GALNT5: variants seen among roughly 807,000 people sequenced by gnomAD.
GALNT5 encodes polypeptide N-acetylgalactosaminyltransferase 5, also known as UDP-GalNAc:polypeptide N-acetylgalactosaminyltransferase 5.
Under a neutral mutation model 85.4 loss-of-function variants are expected in GALNT5, and 72 were observed. That is an observed-to-expected ratio of 0.84 (90% CI 0.70 to 1.03). The LOEUF (loss-of-function observed/expected upper bound fraction) is 1.03, where lower values mean the gene tolerates loss of function less well. Among genes scored for constraint, GALNT5 ranks in the 50% least tolerant of loss-of-function variants. GALNT5 has a pLI of 0.00. For synonymous variants in GALNT5, 404 were observed against 397.0 expected, an observed-to-expected ratio of 1.02 and a Z score of -0.21; for missense variants, 1,137 against 1,135.5, an observed-to-expected ratio of 1.00 and a Z score of -0.02.
intron 1 of GALNT5, among the ~76,000 whole-genome samples, chr2:157,268,335 G>A (rs1410016250): frequency 1.3e-5 from 2 of 152,108 alleles, no homozygotes; most frequent in African/African-American, 2.4e-5. Flanking sequence ...ATCACTTTCT[G>A]GGTCTCTCGA....
intron 9 of GALNT5, among the ~76,000 whole-genome samples, chr2:157,309,314 T>C (rs13010775): frequency 2.0e-5 from 3 of 152,176 alleles, no homozygotes; most frequent in Admixed American, 2.0e-4. Context: ...ACTGGCCATA[T>C]TGGGAGTATT....
intron 7 of GALNT5, among the ~76,000 whole-genome samples, chr2:157,303,597 A>C (rs758464751): frequency 3.1e-4 from 47 of 152,212 alleles, no homozygotes; most frequent in Non-Finnish European, 6.5e-4. Context: ...GAAATGAAGA[A>C]TAACAATTCC....
At position 157,308,600 on chromosome 2, in the gene GALNT5, A is replaced by T. The variant is rs1683502391; in HGVS notation, c.2554A>T (p.Ile852Phe). The T allele has an allele frequency of 3.1e-6, 5 of 1,613,408 alleles. No homozygotes were observed. The highest frequency in any genetic ancestry group is 4.2e-6 in the Non-Finnish European group (5 of 1,179,640). Residue 852 changes from isoleucine to phenylalanine, a missense_variant, in exon 9 of 10, where the codon ATT becomes TTT. Ile to Phe is a conservative substitution (Grantham distance 21). Transcript: ENST00000259056. The part of the protein sequence containing the change: ...QQFNYTWLRL[I>F]KCGEWCIAPI... Reference sequence around the variant, plus strand: ...ATTTAATTACACCTGGTTAAGACTTATTAAATGTGGAGAATGGTGTATAGC... The same window carrying T: ...ATTTAATTACACCTGGTTAAGACTTTTTAAATGTGGAGAATGGTGTATAGC...
chr2:157,284,848 A>G (rs1269147589), intron 2 of GALNT5, among the ~76,000 whole-genome samples: 1 of 152,246 alleles, frequency 6.6e-6, no homozygotes, highest in Non-Finnish European at 1.5e-5. Context: ...CAAAGAAATT[A>G]AGATCTTATG....
chr2:157,287,979 G>A (rs532639855), intron 3 of GALNT5, among the ~76,000 whole-genome samples: 1 of 152,114 alleles, frequency 6.6e-6, no homozygotes, highest in African/African-American at 2.4e-5. Context: ...CCTTATGCAA[G>A]CTCCCCCATC....
rs13430436 is a variant in GALNT5, at chr2:157,318,122, A to T, written c.*6774A>T. 0.011 allele frequency among the ~76,000 whole-genome samples: 1,674 copies of T among 152,092 alleles called. 30 individuals are homozygous for T. The highest frequency in any genetic ancestry group is 0.034 in the Middle Eastern group (10 of 294). ...CTGTCAAACATATTTCTTCTTTATTATACTCTGGTGCTTTATCCTTCTCCA... is the reference window on the plus strand; with the variant it reads ...CTGTCAAACATATTTCTTCTTTATTTTACTCTGGTGCTTTATCCTTCTCCA... On this transcript the variant is annotated 3_prime_UTR_variant, in exon 10 of 10. Coordinates refer to ENST00000259056, the MANE Select transcript of GALNT5 (RefSeq NM_014568.3).
At chr2:157,299,695 T>C (rs1254321608) in intron 6 of GALNT5, 30 bp downstream of exon 6, 1 of 1,168,278 alleles carries the variant, frequency 8.6e-7, no homozygotes, top group Admixed American at 1.8e-5. Flanking sequence ...AACTTTTCTT[T>C]ACGATAATGA....
intron 1 of GALNT5, among the ~76,000 whole-genome samples, chr2:157,261,881 T>G (rs1023255079): frequency 6.6e-6 from 1 of 152,152 alleles, no homozygotes; most frequent in Non-Finnish European, 1.5e-5. Context: ...GCGTTTGAGG[T>G]AGCTGCTTAC....
In GALNT5 at chr2:157,314,983, CAGG is replaced by C. The variant is rs540944354; in HGVS notation, c.*3638_*3640del. On this transcript the variant is annotated 3_prime_UTR_variant, in exon 10 of 10. Transcript: ENST00000259056. ...ATCCCAGCTACCTGGGAGGCTGAAG[CAGG>C]AGAATTGCTTGTACCCGGGAGGTGG... Among the ~76,000 whole-genome samples, 944 of 152,176 alleles carry C rather than the reference CAGG, an allele frequency of 6.2e-3. 15 individuals carry two copies. The highest frequency in any genetic ancestry group is 0.021 in the African/African-American group (869 of 41,492).
At chr2:157,305,864 A>T (rs369958201) in intron 8 of GALNT5, 35 bp downstream of exon 8, 3 of 1,166,478 alleles carry the variant, frequency 2.6e-6, no homozygotes, top group African/African-American at 1.5e-5. Flanking sequence ...ATGGTAGCTG[A>T]TAGGTGCAGG....
At chr2:157,270,401 C>T (rs937037700) in intron 1 of GALNT5, among the ~76,000 whole-genome samples, 5 of 152,294 alleles carry the variant, frequency 3.3e-5, no homozygotes, top group Admixed American at 3.3e-4. Context: ...GCATTCTCTC[C>T]CATTGCCCAT....
rs1467852269 is a variant in GALNT5 at position 157,315,039 on chromosome 2, C to T, written c.*3691C>T. Among the ~76,000 whole-genome samples, 4 of 152,080 alleles carry T rather than the reference C, an allele frequency of 2.6e-5. No individual in the cohort carries two copies. Among genetic ancestry groups the T allele is most frequent in the Non-Finnish European group, 5.9e-5 (4 of 68,022 alleles). On this transcript the variant is annotated 3_prime_UTR_variant, in exon 10 of 10. Coordinates refer to ENST00000259056, the MANE Select transcript of GALNT5 (RefSeq NM_014568.3). ...GTTGCAGTGAGCTGAAATTGCGCCA[C>T]TGCACTCCAGCCTAGACAACAGAGC...
chr2:157,296,402 C>A lies in GALNT5; in HGVS notation c.1886C>A (p.Thr629Lys). Reference protein sequence around the residue: ...VINDKDMSYMTVDNFQRGIFV... With the variant: ...VINDKDMSYMKVDNFQRGIFV... ...TTCATTTCCTGGATTAGTTACATGACAGTGGATAACTTTCAAAGAGGCATC... is the reference window on the plus strand; with the variant it reads ...TTCATTTCCTGGATTAGTTACATGAAAGTGGATAACTTTCAAAGAGGCATC... Residue 629 changes from threonine to lysine, a missense_variant, in exon 5 of 10, where the codon ACA (threonine) becomes AAA (lysine). Coordinates refer to ENST00000259056, the MANE Select transcript of GALNT5 (RefSeq NM_014568.3). 1 of 1,608,234 alleles carries A rather than the reference C, an allele frequency of 6.2e-7. No individual in the cohort carries two copies. Among genetic ancestry groups the A allele is most frequent in the South Asian group, 1.1e-5 (1 of 90,920 alleles).
chr2:157,290,112 T>TACACATATACAC (rs1553462999), intron 3 of GALNT5, among the ~76,000 whole-genome samples: 3 of 138,220 alleles, frequency 2.2e-5, no homozygotes, highest in African/African-American at 6.2e-5. Flanking sequence ...TATATATATA[T>TACACATATACAC]ACATACACAA....
At chr2:157,307,223 T>A (rs990769961) in intron 8 of GALNT5, among the ~76,000 whole-genome samples, 4 of 152,158 alleles carry the variant, frequency 2.6e-5, no homozygotes, top group Non-Finnish European at 5.9e-5. Flanking sequence ...CTGCCTCTTG[T>A]GGTTTGCTTG....
In GALNT5 at chr2:157,313,107, G is replaced by C. The variant is rs1178823413; in HGVS notation, c.*1759G>C. The C allele has an allele frequency of 3.3e-5, 5 of 152,112 alleles. No individual in the cohort carries two copies. Among genetic ancestry groups the C allele is most frequent in the African/African-American group, 7.2e-5 (3 of 41,442 alleles). 9.4% of individuals were successfully genotyped at this position (152,112 alleles called of 1,614,324 possible). On this transcript the variant is annotated 3_prime_UTR_variant, in exon 10 of 10. Transcript: ENST00000259056. ...GAGTAAGAGAATGACTAGGAAATGA[G>C]ATACAGTTATATGACACATAATGAT...
chr2:157,283,624 T>C (rs960732740), intron 1 of GALNT5, among the ~76,000 whole-genome samples: 1 of 152,074 alleles, frequency 6.6e-6, no homozygotes, highest in African/African-American at 2.4e-5. Flanking sequence ...ACAAGCAGAA[T>C]GGGAGAAAAG....
chr2:157,314,548 T>C lies in GALNT5; in HGVS notation c.*3200T>C, dbSNP rs947638052. Among the ~76,000 whole-genome samples the C allele has an allele frequency of 2.0e-5, 3 of 152,192 alleles. No homozygotes were observed. Among genetic ancestry groups the C allele is most frequent in the Non-Finnish European group, 4.4e-5 (3 of 68,038 alleles). On this transcript the variant is annotated 3_prime_UTR_variant, in exon 10 of 10. Transcript: ENST00000259056. ...GCTTCGCCACACTAATTTGGAAACA[T>C]TCTTTTAGATATTAAAACACCTTAC... is the stretch of plus-strand genomic sequence containing the variant.
Position 157,284,441 on chromosome 2 carries a change from C to G in GALNT5, c.1614C>G (p.Ser538Arg), listed in dbSNP as rs759099839. Residue 538 changes from serine (S) to arginine (R), a missense_variant, in exon 2 of 10, where the codon AGC (serine) becomes AGG (arginine). Physicochemically the swap from Ser to Arg is moderately radical, Grantham distance 110. Transcript: ENST00000259056. ...AGATTCTGCTGGTAGATGACTTCAG[C>G]ACCAAAGGTAAGAAAACCACTCAGG... ...IKEILLVDDF[S>R]TKDYLKDNLD... 7.4e-6 allele frequency: 12 copies of G among 1,613,396 alleles called. No homozygotes were observed. In the African/African-American group the frequency reaches 1.3e-4, roughly 18 times the overall value.
Sources: gnomAD v4.1 joint callset for allele counts (sites outside exome capture counted in the v4.1 genomes callset) on GRCh38, gnomAD v4.1.1 for gene constraint, MANE v1.5 for transcripts, NCBI Gene and HGNC (gene_info 2026-07-23, HGNC 2026-07-21) for gene names.